Variants in SNTB1 observed in about 807,000 individuals in gnomAD.
The protein encoded by SNTB1 is beta-1-syntrophin.
A neutral mutation model predicts 48.9 loss-of-function variants in SNTB1; 36 were observed. That is an observed-to-expected ratio of 0.74 (90% CI 0.56 to 0.97). SNTB1 has a LOEUF of 0.97. SNTB1 is among the 50% of genes least tolerant of loss of function. The pLI, the probability that SNTB1 is intolerant of heterozygous loss-of-function variation, is 0.00. For synonymous variants in SNTB1, 299 were observed against 294.6 expected, an observed-to-expected ratio of 1.01 and a Z score of -0.15; for missense variants, 786 against 703.4, an observed-to-expected ratio of 1.12 and a Z score of -1.33.
chr8:120,660,766 A>G (rs1817574553), intron 2 of SNTB1, among the ~76,000 whole-genome samples: 1 of 152,200 alleles, frequency 6.6e-6, no homozygotes, highest in Admixed American at 6.5e-5. Context: ...CAGTTTTTGA[A>G]TACAAGTGAG....
intron 1 of SNTB1, among the ~76,000 whole-genome samples, chr8:120,778,343 C>G (rs1242333853): frequency 6.6e-6 from 1 of 152,134 alleles, no homozygotes; most frequent in Non-Finnish European, 1.5e-5. Flanking sequence ...ATTTCGCAAC[C>G]CAGGGTGCCT....
At position 120,646,333 on chromosome 8, in the gene SNTB1, C is replaced by T. The variant is rs1407161206; in HGVS notation, c.789-13682G>A. Among the ~76,000 whole-genome samples the T allele has an allele frequency of 6.9e-4, 94 of 136,728 alleles. 1 individual carries two copies. The highest frequency in any genetic ancestry group is 2.9e-3 in the South Asian group (11 of 3,768). The allele number at this position is 136,728 out of a possible 152,430, so 89.7% of individuals were successfully genotyped here. On this transcript the variant is annotated intron_variant, in intron 2 of 6. Coordinates refer to ENST00000517992, the MANE Select transcript of SNTB1 (RefSeq NM_021021.4). ...AGATAGCTCTTATTATTTTGAAATA[C>T]GTCCCATCAATACCTAATTTATTGA...
At chr8:120,609,559 A>G (rs1233740598) in intron 3 of SNTB1, among the ~76,000 whole-genome samples, 3 of 152,220 alleles carry the variant, frequency 2.0e-5, no homozygotes, top group Non-Finnish European at 4.4e-5. Context: ...ATATGAGAGT[A>G]TCTTTGGGGA....
intron 1 of SNTB1, among the ~76,000 whole-genome samples, chr8:120,729,128 G>T (rs1242705939): frequency 6.6e-6 from 1 of 152,090 alleles, no homozygotes; most frequent in Non-Finnish European, 1.5e-5. Context: ...TCAGACACAA[G>T]CCATTAGGCC....
chr8:120,702,724 A>T (rs961918579), intron 1 of SNTB1, among the ~76,000 whole-genome samples: 4 of 152,238 alleles, frequency 2.6e-5, no homozygotes, highest in Admixed American at 2.6e-4. Flanking sequence ...TTGCATAATA[A>T]GTCTTTCTAG....
intron 1 of SNTB1, among the ~76,000 whole-genome samples, chr8:120,764,708 G>A (rs577098018): frequency 6.6e-6 from 1 of 151,948 alleles, no homozygotes; most frequent in Admixed American, 6.5e-5. Context: ...GTTACTTTAG[G>A]ACCCCACCCC....
intron 3 of SNTB1, among the ~76,000 whole-genome samples, chr8:120,590,115 T>A (rs565994894): frequency 2.0e-5 from 3 of 152,322 alleles, no homozygotes; most frequent in African/African-American, 7.2e-5. Context: ...CTGCAAAGAA[T>A]CTGCTTCATG....
intron 2 of SNTB1, among the ~76,000 whole-genome samples, chr8:120,650,802 G>T (rs1817400616): frequency 6.6e-6 from 1 of 152,166 alleles, no homozygotes; most frequent in South Asian, 2.1e-4. Context: ...TTCCTGGCTG[G>T]CTGTGCAGTA....
In SNTB1 at chr8:120,548,541, A is replaced by G. The variant is rs571471769; in HGVS notation, c.1333+221T>C. The stretch of plus-strand genomic sequence containing the variant: ...CTGTAACTGACTATCCAACTTACCA[A>G]CTTTTCTTGAATGAAGGTAGGATAA... On this transcript the variant is annotated intron_variant, in intron 5 of 6. Coordinates refer to ENST00000517992, the MANE Select transcript of SNTB1 (RefSeq NM_021021.4). Among the ~76,000 whole-genome samples the G allele has an allele frequency of 4.6e-4, 70 of 152,246 alleles. No homozygotes were observed. The South Asian group carries it at 0.014, about 30-fold the overall frequency.
chr8:120,774,950 G>A (rs989765951), intron 1 of SNTB1, among the ~76,000 whole-genome samples: 2 of 152,120 alleles, frequency 1.3e-5, no homozygotes, highest in Non-Finnish European at 2.9e-5. Context: ...CACCACGCCC[G>A]GCCAGAAGAG....
intron 3 of SNTB1, among the ~76,000 whole-genome samples, chr8:120,623,117 G>T (rs895952028): frequency 6.6e-6 from 1 of 152,134 alleles, no homozygotes; most frequent in Admixed American, 6.5e-5. Context: ...CTGCAGCCTA[G>T]CCTGCTTCAC....
intron 1 of SNTB1, among the ~76,000 whole-genome samples, chr8:120,762,131 C>G (rs1819430934): frequency 6.6e-6 from 1 of 152,188 alleles, no homozygotes; most frequent in Admixed American, 6.5e-5. Context: ...AATTTGATTA[C>G]TCATTATGTC....
chr8:120,542,382 A>C (rs981011811), intron 5 of SNTB1, among the ~76,000 whole-genome samples: 16 of 152,234 alleles, frequency 1.1e-4, no homozygotes, highest in African/African-American at 3.9e-4. Context: ...GCCAGTGGGC[A>C]TGCTGGCTCA....
intron 1 of SNTB1, among the ~76,000 whole-genome samples, chr8:120,781,470 T>G (rs1178544155): frequency 6.6e-6 from 1 of 152,184 alleles, no homozygotes; most frequent in African/African-American, 2.4e-5. Flanking sequence ...ACATATTCAC[T>G]TACTTTGGCT....
intron 1 of SNTB1, among the ~76,000 whole-genome samples, chr8:120,707,225 G>A (rs1047166751): frequency 1.3e-5 from 2 of 152,058 alleles, no homozygotes; most frequent in African/African-American, 4.8e-5. Context: ...GAGAGTGAAA[G>A]CCTAACAACT....
At chr8:120,761,610 A>G (rs969484460) in intron 1 of SNTB1, among the ~76,000 whole-genome samples, 1 of 152,228 alleles carries the variant, frequency 6.6e-6, no homozygotes, top group African/African-American at 2.4e-5. Flanking sequence ...AAAGAAAAAG[A>G]GAAAACTTGG....
chr8:120,810,156 C>T (rs1187349518), intron 1 of SNTB1, among the ~76,000 whole-genome samples: 2 of 152,160 alleles, frequency 1.3e-5, no homozygotes, highest in African/African-American at 4.8e-5. Context: ...TCAAGAGAGA[C>T]TCACCACTAA....
chr8:120,546,805 T>G, intron 5 of SNTB1, among the ~76,000 whole-genome samples: 1 of 152,198 alleles, frequency 6.6e-6, no homozygotes, highest in Non-Finnish European at 1.5e-5. Flanking sequence ...CAATTAAAAA[T>G]TTTAAATTAT....
intron 1 of SNTB1, 88 bp downstream of exon 1, chr8:120,811,185 C>T (rs1177896369): frequency 1.3e-6 from 2 of 1,491,584 alleles, no homozygotes; most frequent in Non-Finnish European, 1.8e-6. Flanking sequence ...CCGCATGTGG[C>T]CGAGTGAGTG....
Sources: allele counts gnomAD v4.1 joint callset (sites outside exome capture counted in the v4.1 genomes callset), GRCh38; gene constraint gnomAD v4.1.1; transcripts MANE v1.5; gene names NCBI Gene and HGNC (gene_info 2026-07-23, HGNC 2026-07-21).